PLA2G4A: variants seen among roughly 807,000 people sequenced by gnomAD.
The protein encoded by PLA2G4A is phospholipase A2 group IVA, also known as cytosolic phospholipase A2.
PLA2G4A carries 40 observed loss-of-function variants against 81.9 expected under a neutral mutation model. The observed-to-expected ratio is 0.49, with a 90% CI of 0.38 to 0.64. The LOEUF is 0.64. PLA2G4A is among the 30% of genes least tolerant of loss of function. The pLI, the probability that PLA2G4A is intolerant of heterozygous loss-of-function variation, is 0.00. For missense variants in PLA2G4A, 715 were observed against 905.1 expected, an observed-to-expected ratio of 0.79 and a Z score of 2.69; for synonymous variants, 302 against 296.9, an observed-to-expected ratio of 1.02 and a Z score of -0.18.
chr1:186,856,208 A>G (rs77905621), intron 2 of PLA2G4A, among the ~76,000 whole-genome samples: 2,437 of 152,094 alleles, frequency 0.016, 78 homozygotes, highest in African/African-American at 0.056. Context: ...ACAAACCATG[A>G]ATCTCATCCA....
intron 7 of PLA2G4A, among the ~76,000 whole-genome samples, chr1:186,925,139 A>T (rs1357434270): frequency 6.6e-6 from 1 of 152,182 alleles, no homozygotes; most frequent in Non-Finnish European, 1.5e-5. Flanking sequence ...TCAACAACTT[A>T]GAACCTCTCT....
At chr1:186,909,177 T>G (rs956619136) in intron 6 of PLA2G4A, among the ~76,000 whole-genome samples, 8 of 150,280 alleles carry the variant, frequency 5.3e-5, no homozygotes, top group Non-Finnish European at 1.2e-4. Context: ...GGTTTCACCG[T>G]GTTAGCTAGG....
intron 17 of PLA2G4A, among the ~76,000 whole-genome samples, chr1:186,985,044 T>C (rs1230364005): frequency 6.6e-6 from 1 of 152,188 alleles, no homozygotes; most frequent in Non-Finnish European, 1.5e-5. Flanking sequence ...ACCACCTGTC[T>C]CTCAAGCAGC....
intron 14 of PLA2G4A, among the ~76,000 whole-genome samples, chr1:186,957,470 C>T (rs1189117784): frequency 1.3e-5 from 2 of 152,224 alleles, no homozygotes; most frequent in South Asian, 4.1e-4. Context: ...AATGTAGCTT[C>T]TGTCTCATTT....
chr1:186,979,068 G>T (rs778140463), intron 16 of PLA2G4A, among the ~76,000 whole-genome samples: 1 of 152,216 alleles, frequency 6.6e-6, no homozygotes, highest in African/African-American at 2.4e-5. Flanking sequence ...CTGTGAGTGG[G>T]TCAAGCAGGC....
At position 186,941,866 on chromosome 1, in the gene PLA2G4A, A is replaced by G. The variant is rs555991534; in HGVS notation, c.1033+1772A>G. On this transcript the variant is annotated intron_variant, in intron 10 of 17. Transcript: ENST00000367466. Reference sequence around the variant, plus strand: ...ACTGTCATTTTGACCAAGTTATATAATCTACGTTAGACCCAGTTTTCTCAT... The same window carrying G: ...ACTGTCATTTTGACCAAGTTATATAGTCTACGTTAGACCCAGTTTTCTCAT... Among the ~76,000 whole-genome samples, 5 of 152,304 alleles carry G rather than the reference A, an allele frequency of 3.3e-5. No individual in the cohort carries two copies. In the South Asian group the frequency reaches 8.3e-4, roughly 25 times the overall value.
intron 6 of PLA2G4A, among the ~76,000 whole-genome samples, chr1:186,908,765 A>C (rs1654828342): frequency 6.6e-6 from 1 of 151,900 alleles, no homozygotes; most frequent in Non-Finnish European, 1.5e-5. Flanking sequence ...ACTGGAAAAA[A>C]TAATTTGCAC....
chr1:186,942,945 G>T (rs950863982), intron 10 of PLA2G4A, among the ~76,000 whole-genome samples: 1 of 152,018 alleles, frequency 6.6e-6, no homozygotes, highest in Non-Finnish European at 1.5e-5. Flanking sequence ...TATGAATCTT[G>T]TACCCAGATA....
At chr1:186,934,443 C>CATACATATATATATATAT (rs1655860169) in intron 8 of PLA2G4A, among the ~76,000 whole-genome samples, 1 of 99,564 alleles carries the variant, frequency 1.0e-5, no homozygotes, top group Non-Finnish European at 1.9e-5. Context: ...TAAATGTGCA[C>CATACATATATATATATAT]ATATATATAT....
intron 1 of PLA2G4A, among the ~76,000 whole-genome samples, chr1:186,832,063 TATGGTTCTTACTATATGAA>T (rs1396517703): frequency 6.6e-6 from 1 of 152,026 alleles, no homozygotes; most frequent in African/African-American, 2.4e-5. Flanking sequence ...AGCAAAAGAG[TATGGTTCTTACTATATGAA>T]ATTTTTCATC....
At chr1:186,900,874 A>T (rs866372640) in intron 5 of PLA2G4A, among the ~76,000 whole-genome samples, 36 of 152,298 alleles carry the variant, frequency 2.4e-4, no homozygotes, top group Middle Eastern at 3.4e-3. Flanking sequence ...GCCATTCCTC[A>T]TGGCTCCTGT....
At chr1:186,833,427 T>A (rs556298575) in intron 1 of PLA2G4A, among the ~76,000 whole-genome samples, 3 of 152,236 alleles carry the variant, frequency 2.0e-5, no homozygotes, top group Admixed American at 6.5e-5. Context: ...AGGAAAATAA[T>A]ATTATTGGTT....
At chr1:186,895,891 C>T (rs1654316155) in intron 5 of PLA2G4A, among the ~76,000 whole-genome samples, 1 of 152,050 alleles carries the variant, frequency 6.6e-6, no homozygotes, top group Non-Finnish European at 1.5e-5. Flanking sequence ...TTCCGTTCCT[C>T]AGTTTAATCA....
chr1:186,879,912 C>A (rs1375530369), intron 3 of PLA2G4A, among the ~76,000 whole-genome samples: 1 of 151,360 alleles, frequency 6.6e-6, no homozygotes, highest in Non-Finnish European at 1.5e-5. Context: ...CATATGTATA[C>A]ATGTGCCATG....
intron 1 of PLA2G4A, among the ~76,000 whole-genome samples, chr1:186,853,867 G>C (rs1207563261): frequency 6.6e-6 from 1 of 151,844 alleles, no homozygotes; most frequent in Non-Finnish European, 1.5e-5. Context: ...GAATAGCTAA[G>C]GTGAAAATAT....
chr1:186,923,892 A>G (rs1172331194), intron 7 of PLA2G4A, among the ~76,000 whole-genome samples: 1 of 152,244 alleles, frequency 6.6e-6, no homozygotes, highest in Non-Finnish European at 1.5e-5. Context: ...CCCTCATGAC[A>G]GATAGACTTG....
At chr1:186,983,425 C>T (rs1657793534) in intron 17 of PLA2G4A, among the ~76,000 whole-genome samples, 1 of 152,226 alleles carries the variant, frequency 6.6e-6, no homozygotes, top group African/African-American at 2.4e-5. Flanking sequence ...CTTCAATTCA[C>T]TCTGACCTCA....
intron 7 of PLA2G4A, among the ~76,000 whole-genome samples, chr1:186,920,258 T>C (rs1183906039): frequency 6.6e-6 from 1 of 152,150 alleles, no homozygotes; most frequent in Non-Finnish European, 1.5e-5. Context: ...GCTCTCAGCT[T>C]GCTAAGCAAG....
rs776436018 is a variant in PLA2G4A at position 186,870,772 on chromosome 1, T to C, written c.115+256T>C. 347 of 1,472,162 alleles carry C rather than the reference T, an allele frequency of 2.4e-4. 1 individual carries two copies. The highest frequency in any genetic ancestry group is 3.1e-4 in the Non-Finnish European group (328 of 1,074,816). The allele number at this position is 1,472,162 out of a possible 1,614,324, so 91.2% of individuals were successfully genotyped here. ...AAGAGTGCCCTTATTTTCTTTGCTG[T>C]TAAACGTATAATTATGGTTCAGCCT... is the stretch of plus-strand genomic sequence containing the variant. On this transcript the variant is annotated intron_variant, in intron 3 of 17. Coordinates refer to ENST00000367466, the MANE Select transcript of PLA2G4A (RefSeq NM_024420.3).
Sources: gnomAD v4.1 joint callset for allele counts (sites outside exome capture counted in the v4.1 genomes callset) on GRCh38, gnomAD v4.1.1 for gene constraint, MANE v1.5 for transcripts, NCBI Gene and HGNC (gene_info 2026-07-23, HGNC 2026-07-21) for gene names.